Variants in ARID5B observed in about 807,000 individuals in gnomAD.
ARID5B encodes AT-rich interactive domain-containing protein 5B.
A neutral mutation model predicts 97.2 loss-of-function variants in ARID5B; 13 were observed. The ratio of observed to expected loss-of-function variants is 0.13; its 90% CI spans 0.09 to 0.21. ARID5B has a LOEUF of 0.21. ARID5B is among the 10% of genes least tolerant of loss of function. The pLI, the probability that ARID5B is intolerant of heterozygous loss-of-function variation, is 1.00. For synonymous variants in ARID5B, 556 were observed against 570.3 expected (o/e 0.97, Z 0.36); for missense variants, 1,210 against 1,465.3 (o/e 0.83, Z 2.84).
At chr10:61,916,638 C>T (rs1485141377) in intron 2 of ARID5B, among the ~76,000 whole-genome samples, 2 of 152,214 alleles carry the variant, frequency 1.3e-5, no homozygotes, top group East Asian at 3.9e-4. Context: ...TGGTGAATGA[C>T]AGAGACTGAA....
chr10:62,087,248 G>A (rs71490865), intron 9 of ARID5B, among the ~76,000 whole-genome samples: 117,417 of 138,108 alleles, frequency 0.85, 49,849 homozygotes, highest in Middle Eastern at 0.94. Flanking sequence ...GCAGTGAGCC[G>A]AGATCAGGCC....
chr10:61,946,399 A>G (rs1844499565), intron 3 of ARID5B, among the ~76,000 whole-genome samples: 1 of 152,232 alleles, frequency 6.6e-6, no homozygotes. Context: ...TAATGAATTT[A>G]CTAGGATTGG....
intron 4 of ARID5B, among the ~76,000 whole-genome samples, chr10:62,002,529 T>G (rs971634806): frequency 6.6e-6 from 1 of 152,200 alleles, no homozygotes; most frequent in Admixed American, 6.5e-5. Context: ...CCAAAAAGCT[T>G]ATTTTGAGCA....
intron 8 of ARID5B, among the ~76,000 whole-genome samples, chr10:62,079,843 T>G (rs1332143644): frequency 6.6e-6 from 1 of 152,190 alleles, no homozygotes; most frequent in East Asian, 1.9e-4. Flanking sequence ...GAGTAGGTAA[T>G]GAAGCCCCTG....
chr10:62,034,260 T>C (rs1003331357), intron 4 of ARID5B, among the ~76,000 whole-genome samples: 5 of 152,092 alleles, frequency 3.3e-5, no homozygotes, highest in Admixed American at 1.3e-4. Context: ...CAATGAATAG[T>C]TATATAAGGT....
intron 8 of ARID5B, among the ~76,000 whole-genome samples, chr10:62,084,578 CTTATA>C (rs1840256658): frequency 6.6e-6 from 1 of 152,190 alleles, no homozygotes. Context: ...AAGGCTGAGT[CTTATA>C]TTAATCCCAC....
intron 9 of ARID5B, among the ~76,000 whole-genome samples, chr10:62,089,478 CCTTCCTTCCTTT>C (rs1421576242): frequency 2.6e-5 from 4 of 151,110 alleles, no homozygotes; most frequent in Non-Finnish European, 4.4e-5. Flanking sequence ...TGCCTGCCTT[CCTTCCTTCCTTT>C]CTTCCTTCCT....
At position 61,943,470 on chromosome 10, in the gene ARID5B, GC is replaced by G. The variant is rs11403206; in HGVS notation, c.502+3071del. Among the ~76,000 whole-genome samples, 9 of 148,488 alleles carry G rather than the reference GC, an allele frequency of 6.1e-5. No individual in the cohort carries two copies. In the South Asian group the frequency reaches 6.4e-4, roughly 11 times the overall value. On this transcript the variant is annotated intron_variant, in intron 3 of 9. Transcript: ENST00000279873. ...AAGATGAACTGTGAGATTATTTGAG[GC>G]CCCCCCCCTTTTTTTCTGGTGGAAG... is the stretch of plus-strand genomic sequence containing the variant.
chr10:61,985,472 T>G (rs1838834589), intron 3 of ARID5B, among the ~76,000 whole-genome samples: 1 of 152,068 alleles, frequency 6.6e-6, no homozygotes, highest in Non-Finnish European at 1.5e-5. Flanking sequence ...TCCTTTTTTT[T>G]TAACCACATA....
At position 62,050,956 on chromosome 10, in the gene ARID5B, G is replaced by A. The variant is rs1294819188; in HGVS notation, c.802G>A (p.Val268Ile). The A allele has an allele frequency of 4.3e-6, 7 of 1,614,074 alleles. No individual in the cohort carries two copies. The highest frequency in any genetic ancestry group is 5.9e-6 in the Non-Finnish European group (7 of 1,180,016). The stretch of plus-strand genomic sequence containing the variant: ...ACAAAGAAGAGATTCATTCAGTGGT[G>A]TTAAGGATTCCAACAACAATTCCGA... ...CPQRRDSFSG[V>I]KDSNNNSDGK... is the part of the protein sequence containing the mutation. The change falls in exon 5 of 10, where the codon GTT becomes ATT. Residue 268 changes from valine (V) to isoleucine (I), a missense_variant. Val to Ile is a conservative substitution (Grantham distance 29). Coordinates refer to ENST00000279873, the MANE Select transcript of ARID5B (RefSeq NM_032199.3).
At chr10:61,966,067 A>G (rs1838541133) in intron 3 of ARID5B, among the ~76,000 whole-genome samples, 3 of 152,206 alleles carry the variant, frequency 2.0e-5, no homozygotes, top group African/African-American at 7.2e-5. Flanking sequence ...ATATGCAAAA[A>G]GAAGAGATAA....
intron 4 of ARID5B, among the ~76,000 whole-genome samples, chr10:62,040,137 A>C (rs7072304): frequency 0.94 from 143,644 of 152,272 alleles, 67,903 homozygotes; most frequent in East Asian, 1. Context: ...CTCTCTCTCC[A>C]TTCTCACTCT....
At chr10:61,977,063 A>G (rs952872577) in intron 3 of ARID5B, among the ~76,000 whole-genome samples, 5 of 151,952 alleles carry the variant, frequency 3.3e-5, no homozygotes, top group African/African-American at 1.2e-4. Context: ...CCTGTGTCCA[A>G]GTGTTCTCAT....
In ARID5B at chr10:62,006,334, C is replaced by T. The variant is rs967653939; in HGVS notation, c.733+6013C>T. Among the ~76,000 whole-genome samples, 5 of 152,106 alleles carry T rather than the reference C, an allele frequency of 3.3e-5. No individual in the cohort carries two copies. The East Asian group carries it at 5.8e-4, about 18-fold the overall frequency. On this transcript the variant is annotated intron_variant, in intron 4 of 9. Transcript: ENST00000279873. ...GCGAGCACCTGTAGTCCCATCTACTCGGGAGGCTGAGGCAGGAGAATCTCT... is the reference window on the plus strand; with the variant it reads ...GCGAGCACCTGTAGTCCCATCTACTTGGGAGGCTGAGGCAGGAGAATCTCT...
rs139849927 is a variant in ARID5B at position 62,081,417 on chromosome 10, T to C, written c.1200-4285T>C. Among the ~76,000 whole-genome samples, 537 of 152,334 alleles carry C rather than the reference T, an allele frequency of 3.5e-3. 5 individuals carry two copies. Among genetic ancestry groups the C allele is most frequent in the South Asian group, 0.016 (78 of 4,826 alleles). ...TTGCTAAATATTTTGGCCCAAAAGT[T>C]CAGTCATTCCATGCAAGCATTAATC... is the stretch of plus-strand genomic sequence containing the variant. On this transcript the variant is annotated intron_variant, in intron 8 of 9. Coordinates refer to ENST00000279873, the MANE Select transcript of ARID5B (RefSeq NM_032199.3).
Position 62,090,928 on chromosome 10 carries a change from C to A in ARID5B, c.1465C>A (p.Pro489Thr). ...ISQKSIPEPL[P>T]AADMKKKIEG... ...CCAGAAAAGCATCCCTGAGCCTCTC[C>A]CAGCAGCAGACATGAAGAAAAAAAT... The change falls in exon 10 of 10, where the codon CCA becomes ACA. Residue 489 changes from proline to threonine, a missense_variant. By Grantham distance (38) the Pro-to-Thr change is conservative. Around this residue, in one of 8 missense-constraint regions of ARID5B, gnomAD observed 800 missense variants for 839.1 expected, o/e 0.95. Coordinates refer to ENST00000279873, the MANE Select transcript of ARID5B (RefSeq NM_032199.3). 6.2e-7 allele frequency: 1 copy of A among 1,613,640 alleles called. No homozygotes were observed. The highest frequency in any genetic ancestry group is 8.5e-7 in the Non-Finnish European group (1 of 1,179,910).
chr10:61,997,420 G>A (rs139390547), intron 3 of ARID5B, among the ~76,000 whole-genome samples: 1 of 152,104 alleles, frequency 6.6e-6, no homozygotes, highest in Non-Finnish European at 1.5e-5. Flanking sequence ...GGATATGAAG[G>A]AAGTGAAGTG....
intron 3 of ARID5B, 112 bp downstream of exon 3, chr10:61,940,520 T>C: frequency 1.1e-6 from 1 of 949,368 alleles, no homozygotes; most frequent in Non-Finnish European, 1.5e-6. Flanking sequence ...TTCAAATTTC[T>C]TTAACCTCAA....
intron 2 of ARID5B, among the ~76,000 whole-genome samples, chr10:61,925,863 T>C (rs1311258887): frequency 6.6e-6 from 1 of 152,202 alleles, no homozygotes; most frequent in East Asian, 1.9e-4. Flanking sequence ...CCATGAAGGA[T>C]GGTCGCGTTA....
Sources: allele counts gnomAD v4.1 joint callset (sites outside exome capture counted in the v4.1 genomes callset), GRCh38; gene constraint gnomAD v4.1.1; regional missense constraint gnomAD v4.1.1; transcripts MANE v1.5; gene names NCBI Gene and HGNC (gene_info 2026-07-23, HGNC 2026-07-21).